CBL: variants seen among roughly 807,000 people sequenced by gnomAD.
CBL encodes Cbl proto-oncogene, also known as E3 ubiquitin-protein ligase CBL.
CBL carries 45 observed loss-of-function variants against 96.9 expected under a neutral mutation model. The ratio of observed to expected loss-of-function variants is 0.46; its 90% CI spans 0.37 to 0.60. CBL has a LOEUF of 0.60. Among genes scored for constraint, CBL ranks in the 20% least tolerant of loss-of-function variants. The probability of loss-of-function intolerance (pLI) is 0.00; values close to 1 mark genes in which losing one functional copy is unlikely to be tolerated. For synonymous variants in CBL, 420 were observed against 426.8 expected (o/e 0.98, Z 0.20); for missense variants, 1,024 against 1,143.5 (o/e 0.90, Z 1.51).
chr11:119,287,964 A>T lies in CBL; in HGVS notation c.2036+18A>T. 1 of 1,558,522 alleles carries T rather than the reference A, an allele frequency of 6.4e-7. No homozygotes were observed. Among genetic ancestry groups the T allele is most frequent in the Non-Finnish European group, 8.9e-7 (1 of 1,129,362 alleles). On this transcript the variant is annotated intron_variant, in intron 12 of 15. Transcript: ENST00000264033. ...GCTGCCAGGTAAGTCTGCTAAAGCT[A>T]TATTTTGTACAGTGGAGTTGTTACT...
chr11:119,239,567 T>C (rs895335668), intron 2 of CBL, among the ~76,000 whole-genome samples: 1 of 152,200 alleles, frequency 6.6e-6, no homozygotes, highest in Non-Finnish European at 1.5e-5. Context: ...TTCTTCCTTT[T>C]CTTTCTGCAT....
intron 12 of CBL, among the ~76,000 whole-genome samples, chr11:119,293,387 C>T (rs541772285): frequency 4.2e-4 from 64 of 152,164 alleles, no homozygotes; most frequent in Non-Finnish European, 8.8e-4. Context: ...GGATTACAGA[C>T]GTGAGCCATC....
Position 119,255,432 on chromosome 11 carries a change from TTA to T in CBL, c.444-16299_444-16298del, listed in dbSNP as rs138986961. Among the ~76,000 whole-genome samples the T allele has an allele frequency of 5.8e-3, 883 of 152,310 alleles. 8 individuals carry two copies. The highest frequency in any genetic ancestry group is 0.02 in the African/African-American group (827 of 41,566). ...AAAAGCTGTTGGCACTGTGAGATGA[TTA>T]TATGTTTTTTCCCTGTATTATGTTA... On this transcript the variant is annotated intron_variant, in intron 2 of 15. Transcript: ENST00000264033.
chr11:119,278,079 A>G (rs2135303283), intron 7 of CBL, 87 bp from the exon 8 acceptor site: 1 of 1,173,976 alleles, frequency 8.5e-7, no homozygotes, highest in Non-Finnish European at 1.2e-6. Context: ...AAATTTGTAT[A>G]GGAAACAAGT....
chr11:119,297,530 T>G, intron 14 of CBL, 49 bp downstream of exon 14: 13 of 1,348,908 alleles, frequency 9.6e-6, no homozygotes, highest in Non-Finnish European at 1.4e-5. Context: ...GTCATAGGAA[T>G]GAACATGTAA....
At chr11:119,237,916 G>T (rs934575773) in intron 2 of CBL, among the ~76,000 whole-genome samples, 1 of 151,954 alleles carries the variant, frequency 6.6e-6, no homozygotes, top group Admixed American at 6.6e-5. Flanking sequence ...CTGTCACCCA[G>T]GCTGGAGTGC....
At chr11:119,230,152 T>C (rs180833373) in intron 1 of CBL, among the ~76,000 whole-genome samples, 1 of 151,538 alleles carries the variant, frequency 6.6e-6, no homozygotes, top group South Asian at 2.1e-4. Flanking sequence ...TAGGTTTTTG[T>C]TTTTTGTTTT....
At chr11:119,298,612 T>C in intron 15 of CBL, 72 bp downstream of exon 15, 3 of 1,305,682 alleles carry the variant, frequency 2.3e-6, no homozygotes, top group Non-Finnish European at 3.3e-6. Context: ...GAAAGGGAGA[T>C]GACCTTCTCT....
intron 1 of CBL, among the ~76,000 whole-genome samples, chr11:119,220,947 TAAAA>T (rs993956776): frequency 2.6e-5 from 4 of 151,640 alleles, no homozygotes; most frequent in Non-Finnish European, 4.4e-5. Context: ...ATATGTTTGT[TAAAA>T]AAAAGTATAG....
chr11:119,278,687 A>G lies in CBL; in HGVS notation c.1405A>G (p.Met469Val), dbSNP rs1339584269. 6.2e-7 allele frequency: 1 copy of G among 1,614,172 alleles called. No homozygotes were observed. Among genetic ancestry groups the G allele is most frequent in the Non-Finnish European group, 8.5e-7 (1 of 1,180,024 alleles). Reference protein sequence around the residue: ...DDERADDTLFMMKELAGAKVE... With the variant: ...DDERADDTLFVMKELAGAKVE... ...TGAACGAGCTGATGATACTCTCTTC[A>G]TGATGAAGGAATTGGCTGGTGCCAA... The change falls in exon 9 of 16, where the codon ATG becomes GTG. Residue 469 changes from methionine to valine, a missense_variant. Coordinates refer to ENST00000264033, the MANE Select transcript of CBL (RefSeq NM_005188.4).
intron 2 of CBL, among the ~76,000 whole-genome samples, chr11:119,261,537 G>A (rs1416264402): frequency 6.6e-6 from 1 of 152,150 alleles, no homozygotes; most frequent in Non-Finnish European, 1.5e-5. Context: ...AAGGTGCTTG[G>A]TGGTGGTTGT....
intron 1 of CBL, among the ~76,000 whole-genome samples, chr11:119,219,681 CT>C (rs201151258): frequency 1.7e-3 from 244 of 140,470 alleles, no homozygotes; most frequent in Middle Eastern, 3.6e-3. Flanking sequence ...CCATTTTTGC[CT>C]TTTTTTTTTT....
chr11:119,297,167 C>A, intron 13 of CBL, 133 bp downstream of exon 13: 1 of 771,176 alleles, frequency 1.3e-6, no homozygotes, highest in Non-Finnish European at 2.3e-6. Context: ...ATAAATCTAG[C>A]CCTTAATGGT....
Position 119,296,925 on chromosome 11 carries a change from C to A in CBL, c.2044C>A (p.Pro682Thr). Residue 682 changes from proline (P) to threonine (T), a missense_variant, in exon 13 of 16, where the codon CCT becomes ACT. Physicochemically the swap from Pro to Thr is conservative, Grantham distance 38. Transcript: ENST00000264033. ...TTATTCTTCATCTTCCAGACCTCTT[C>A]CTGTGCCAAAACTGCCACCTGGGGA... ...AIYSLAARPL[P>T]VPKLPPGEQC... is the part of the protein sequence containing the mutation. 1.3e-6 allele frequency: 2 copies of A among 1,566,524 alleles called. No individual in the cohort carries two copies. Among genetic ancestry groups the A allele is most frequent in the South Asian group, 2.2e-5 (2 of 90,044 alleles).
At chr11:119,279,491 C>T (rs1386582996) in intron 9 of CBL, among the ~76,000 whole-genome samples, 1 of 119,558 alleles carries the variant, frequency 8.4e-6, no homozygotes, top group East Asian at 2.7e-4. Flanking sequence ...ATGCCCCCCC[C>T]TAAAAAAAAA....
In CBL at chr11:119,305,252, C is replaced by T. The variant is rs923268045; in HGVS notation, c.*5471C>T. The T allele has an allele frequency of 1.3e-5, 3 of 231,876 alleles. No homozygotes were observed. The highest frequency in any genetic ancestry group is 6.1e-5 in the East Asian group (1 of 16,430). The allele number at this position is 231,876 out of a possible 1,614,324, so 14.4% of individuals were successfully genotyped here. On this transcript the variant is annotated 3_prime_UTR_variant, in exon 16 of 16. Coordinates refer to ENST00000264033, the MANE Select transcript of CBL (RefSeq NM_005188.4). ...TGTTTTTCTTCCCTTTGTCAGTCTT[C>T]GCATCCAAGATTTCTTCCCTCCCTC...
intron 2 of CBL, among the ~76,000 whole-genome samples, chr11:119,256,506 AC>A (rs1949712109): frequency 6.6e-6 from 1 of 151,750 alleles, no homozygotes; most frequent in Non-Finnish European, 1.5e-5. Flanking sequence ...GAAGATTTTT[AC>A]TGATTTATCA....
At position 119,248,084 on chromosome 11, in the gene CBL, C is replaced by T. The variant is rs145590265; in HGVS notation, c.443+15389C>T. ...GATACACAGTCATTGCAATACCTAT[C>T]AAAATTCCAGTAGCACTTTTTTCAG... On this transcript the variant is annotated intron_variant, in intron 2 of 15. Coordinates refer to ENST00000264033, the MANE Select transcript of CBL (RefSeq NM_005188.4). Among the ~76,000 whole-genome samples the T allele has an allele frequency of 2.7e-3, 406 of 152,248 alleles. 1 individual carries two copies. Among genetic ancestry groups the T allele is most frequent in the African/African-American group, 8.3e-3 (343 of 41,536 alleles).
At chr11:119,247,982 A>T (rs972652014) in intron 2 of CBL, among the ~76,000 whole-genome samples, 1 of 152,196 alleles carries the variant, frequency 6.6e-6, no homozygotes, top group African/African-American at 2.4e-5. Flanking sequence ...ACTAAAGAAG[A>T]CCTAAATAAA....
Sources: allele counts gnomAD v4.1 joint callset (sites outside exome capture counted in the v4.1 genomes callset), GRCh38; gene constraint gnomAD v4.1.1; transcripts MANE v1.5; gene names NCBI Gene and HGNC (gene_info 2026-07-23, HGNC 2026-07-21).